The following VWC2 variants were observed in gnomAD, a reference collection of about 807,000 sequenced individuals.
VWC2 encodes von Willebrand factor C domain containing 2.
Under a neutral mutation model 29.8 loss-of-function variants are expected in VWC2, and 14 were observed. The observed-to-expected ratio is 0.47, with a 90% confidence interval of 0.31 to 0.74. The LOEUF (loss-of-function observed/expected upper bound fraction) is 0.74. VWC2 is among the 30% of genes least tolerant of loss of function. The probability of loss-of-function intolerance (pLI) is 0.05; values close to 1 mark genes in which losing one functional copy is unlikely to be tolerated. For synonymous variants in VWC2, 213 were observed against 199.0 expected (o/e 1.07, Z -0.59); for missense variants, 457 against 459.8 (o/e 0.99, Z 0.05).
intron 3 of VWC2, among the ~76,000 whole-genome samples, chr7:49,840,023 G>A (rs1447483445): frequency 6.6e-6 from 1 of 152,186 alleles, no homozygotes; most frequent in Non-Finnish European, 1.5e-5. Flanking sequence ...GCTGGGACGT[G>A]TCTATCTCGC....
At chr7:49,782,205 TG>T (rs775314396) in intron 2 of VWC2, among the ~76,000 whole-genome samples, 2 of 152,186 alleles carry the variant, frequency 1.3e-5, no homozygotes, top group Non-Finnish European at 1.5e-5. Context: ...GGAGGGCATT[TG>T]TTTTCCAGCT....
intron 3 of VWC2, among the ~76,000 whole-genome samples, chr7:49,889,463 G>T (rs559639203): frequency 5.3e-4 from 81 of 152,302 alleles, no homozygotes; most frequent in African/African-American, 1.9e-3. Context: ...ATGCATGAGA[G>T]GCAGAAGATG....
At chr7:49,789,059 TGTGGGTGC>T (rs951892720) in intron 2 of VWC2, among the ~76,000 whole-genome samples, 1 of 149,482 alleles carries the variant, frequency 6.7e-6, no homozygotes, top group African/African-American at 2.5e-5. Context: ...TGGGTGTATG[TGTGGGTGC>T]GTGAGTGTGT....
chr7:49,803,766 G>C (rs935776310), intron 3 of VWC2, among the ~76,000 whole-genome samples: 1 of 152,202 alleles, frequency 6.6e-6, no homozygotes, highest in Non-Finnish European at 1.5e-5. Flanking sequence ...TGACACAGGG[G>C]TGGTCATGGT....
At chr7:49,804,193 G>C (rs1788816357) in intron 3 of VWC2, among the ~76,000 whole-genome samples, 1 of 151,582 alleles carries the variant, frequency 6.6e-6, no homozygotes, top group South Asian at 2.1e-4. Context: ...ATGATGTTGA[G>C]ACACCAGCTG....
chr7:49,858,663 C>T (rs115175281), intron 3 of VWC2, among the ~76,000 whole-genome samples: 2,044 of 151,786 alleles, frequency 0.013, 38 homozygotes, highest in African/African-American at 0.047. Flanking sequence ...ATGTAACAAA[C>T]CTGCGTTGTG....
At position 49,918,657 on chromosome 7, in the gene VWC2, T is replaced by A. The variant is rs1295020260; in HGVS notation, c.*6472T>A. 5 of 152,212 alleles carry A rather than the reference T, an allele frequency of 3.3e-5. No homozygotes were observed. Among genetic ancestry groups the A allele is most frequent in the Non-Finnish European group, 7.3e-5 (5 of 68,040 alleles). 9.4% of individuals were successfully genotyped at this position (152,212 alleles called of 1,614,324 possible). A position where few individuals can be genotyped will look rare whatever the true frequency, so the allele number is the denominator to read the frequency against. The stretch of plus-strand genomic sequence containing the variant: ...GAGAAGTAAACTGCCATTTATTAGG[T>A]GATGATTATAGGGCAAACACTACAA... On this transcript the variant is annotated 3_prime_UTR_variant, in exon 4 of 4. Coordinates refer to ENST00000340652, the MANE Select transcript of VWC2 (RefSeq NM_198570.5).
intron 3 of VWC2, among the ~76,000 whole-genome samples, chr7:49,875,457 A>C (rs1040662588): frequency 2.0e-5 from 3 of 149,812 alleles, no homozygotes; most frequent in African/African-American, 7.3e-5. Flanking sequence ...AAGTATTTGA[A>C]GGTCAGTTCA....
Position 49,854,074 on chromosome 7 carries a change from A to G in VWC2, c.826+51234A>G, listed in dbSNP as rs1017920027. On this transcript the variant is annotated intron_variant, in intron 3 of 3. Transcript: ENST00000340652. ...CTTTTTTATGGCTGCATAGTATTCC[A>G]TGGTGTATATGTGCCACATTTTCTT... Among the ~76,000 whole-genome samples the G allele has an allele frequency of 3.1e-3, 464 of 152,084 alleles. 5 individuals are homozygous for G. The highest frequency in any genetic ancestry group is 0.01 in the African/African-American group (431 of 41,460).
At chr7:49,900,452 CTA>C (rs544205555) in intron 3 of VWC2, among the ~76,000 whole-genome samples, 1 of 151,380 alleles carries the variant, frequency 6.6e-6, no homozygotes, top group Non-Finnish European at 1.5e-5. Context: ...ATGCAAATTG[CTA>C]TAAGAAACAA....
intron 2 of VWC2, among the ~76,000 whole-genome samples, chr7:49,788,704 TGA>T (rs1364570930): frequency 3.7e-5 from 4 of 108,506 alleles, no homozygotes; most frequent in Non-Finnish European, 7.3e-5. Flanking sequence ...TGTGTGTGTG[TGA>T]GAGGATGTAT....
At chr7:49,849,089 C>T (rs1790072256) in intron 3 of VWC2, among the ~76,000 whole-genome samples, 1 of 152,126 alleles carries the variant, frequency 6.6e-6, no homozygotes, top group Non-Finnish European at 1.5e-5. Context: ...CATTTCTTGT[C>T]CTACTGTACT....
At chr7:49,851,468 G>A (rs1318073523) in intron 3 of VWC2, among the ~76,000 whole-genome samples, 2 of 152,244 alleles carry the variant, frequency 1.3e-5, no homozygotes, top group Admixed American at 6.5e-5. Context: ...CTTGCTTAGC[G>A]CAATGTTATA....
intron 2 of VWC2, among the ~76,000 whole-genome samples, chr7:49,779,055 G>GACAGAGACAGAGAGAGAGAGAGAGAGAC (rs5884130): frequency 6.6e-5 from 10 of 151,204 alleles, no homozygotes; most frequent in African/African-American, 2.2e-4. Context: ...GAGAGAGAGA[G>GACAGAGACAGAGAGAGAGAGAGAGAGAC]AGAGACAGAG....
intron 2 of VWC2, among the ~76,000 whole-genome samples, chr7:49,799,955 T>C (rs144557621): frequency 6.6e-6 from 1 of 152,388 alleles, no homozygotes; most frequent in African/African-American, 2.4e-5. Flanking sequence ...TAAGACATTG[T>C]AATCCATGGG....
rs1793912946 is a variant in VWC2, at chr7:49,919,564, A to T, written c.*7379A>T. ...GGTTTATTGTGAGGATTAAATAAAA[A>T]ATCCTCACAAACCCCAATTTAATTT... On this transcript the variant is annotated 3_prime_UTR_variant, in exon 4 of 4. Transcript: ENST00000340652. The T allele has an allele frequency of 6.6e-6, 1 of 152,184 alleles. No individual in the cohort carries two copies. The highest frequency in any genetic ancestry group is 1.5e-5 in the Non-Finnish European group (1 of 68,034). 9.4% of individuals were successfully genotyped at this position (152,184 alleles called of 1,614,324 possible).
intron 3 of VWC2, among the ~76,000 whole-genome samples, chr7:49,900,342 C>G (rs1250545201): frequency 1.3e-5 from 2 of 151,454 alleles, no homozygotes; most frequent in African/African-American, 2.4e-5. Flanking sequence ...TAATTTAAAA[C>G]AGGAAAACAA....
At chr7:49,830,508 T>C (rs929957362) in intron 3 of VWC2, among the ~76,000 whole-genome samples, 3 of 152,198 alleles carry the variant, frequency 2.0e-5, no homozygotes, top group Non-Finnish European at 4.4e-5. Flanking sequence ...CGCTACTCTT[T>C]CAGGTTTTCT....
chr7:49,852,725 C>A (rs539625671), intron 3 of VWC2, among the ~76,000 whole-genome samples: 2 of 152,240 alleles, frequency 1.3e-5, no homozygotes, highest in African/African-American at 2.4e-5. Flanking sequence ...TCAAAATCTG[C>A]GGGATTTAAG....
Sources: allele counts gnomAD v4.1 joint callset (sites outside exome capture counted in the v4.1 genomes callset), GRCh38; gene constraint gnomAD v4.1.1; transcripts MANE v1.5; gene names NCBI Gene and HGNC (gene_info 2026-07-23, HGNC 2026-07-21).